XKR6: variants seen among roughly 807,000 people sequenced by gnomAD.
XKR6 encodes the protein XK-related protein 6.
Under a neutral mutation model 56.7 loss-of-function variants are expected in XKR6, and 22 were observed. The observed-to-expected ratio is 0.39, with a 90% confidence interval of 0.28 to 0.55. The LOEUF is 0.55. Among genes scored for constraint, XKR6 ranks in the 20% least tolerant of loss-of-function variants. The pLI is 0.66. For missense variants in XKR6, 852 were observed against 889.0 expected (o/e 0.96, Z 0.53); for synonymous variants, 524 against 387.8 (o/e 1.35, Z -4.13).
chr8:11,061,208 A>G (rs1799825275), intron 1 of XKR6, among the ~76,000 whole-genome samples: 1 of 152,188 alleles, frequency 6.6e-6, no homozygotes, highest in South Asian at 2.1e-4. Context: ...TCACACCTGT[A>G]ATCTTGGCAC....
chr8:11,011,270 C>T (rs1798493411), intron 1 of XKR6, among the ~76,000 whole-genome samples: 1 of 152,196 alleles, frequency 6.6e-6, no homozygotes, highest in South Asian at 2.1e-4. Context: ...ACACAGCACG[C>T]AGGAGAGGCA....
chr8:11,191,994 A>T (rs898394827), intron 1 of XKR6, among the ~76,000 whole-genome samples: 2 of 152,162 alleles, frequency 1.3e-5, no homozygotes, highest in African/African-American at 4.8e-5. Flanking sequence ...AGGATAGGAT[A>T]TGTGTTAAAT....
At chr8:11,051,127 G>A (rs1053619431) in intron 1 of XKR6, among the ~76,000 whole-genome samples, 2 of 151,980 alleles carry the variant, frequency 1.3e-5, no homozygotes, top group Admixed American at 6.6e-5. Context: ...CCTCTCCCTT[G>A]GCCTTGTTGT....
chr8:11,059,690 G>GCGGGA (rs1799782240), intron 1 of XKR6, among the ~76,000 whole-genome samples: 1 of 129,060 alleles, frequency 7.7e-6, no homozygotes, highest in Non-Finnish European at 1.5e-5. Context: ...CGGGCGCGGG[G>GCGGGA]CGGGACAGGC....
chr8:11,081,079 G>A (rs79749342), intron 1 of XKR6, among the ~76,000 whole-genome samples: 1,844 of 152,288 alleles, frequency 0.012, 33 homozygotes, highest in African/African-American at 0.042. Flanking sequence ...TTAGGTAGCA[G>A]CAACATACTG....
chr8:11,177,093 T>C (rs1054237637), intron 1 of XKR6, among the ~76,000 whole-genome samples: 1 of 152,136 alleles, frequency 6.6e-6, no homozygotes, highest in Non-Finnish European at 1.5e-5. Flanking sequence ...CCTGGGACCA[T>C]GGCACTAAGG....
At chr8:10,911,819 G>A (rs114471753) in intron 2 of XKR6, among the ~76,000 whole-genome samples, 1 of 150,722 alleles carries the variant, frequency 6.6e-6, no homozygotes, top group Non-Finnish European at 1.5e-5. Context: ...TATACAGAGG[G>A]TGAGTATGTG....
At chr8:11,065,982 G>T (rs1441959728) in intron 1 of XKR6, among the ~76,000 whole-genome samples, 2 of 152,198 alleles carry the variant, frequency 1.3e-5, no homozygotes, top group Admixed American at 1.3e-4. Context: ...CTATAAAATG[G>T]CAAAGGGGTT....
chr8:10,997,645 C>T (rs577393522), intron 1 of XKR6, among the ~76,000 whole-genome samples: 7 of 152,124 alleles, frequency 4.6e-5, no homozygotes, highest in South Asian at 4.2e-4. Context: ...CTGCAGGAGG[C>T]GTGTGGAAAT....
chr8:11,029,573 G>A (rs1034807008), intron 1 of XKR6, among the ~76,000 whole-genome samples: 1 of 152,120 alleles, frequency 6.6e-6, no homozygotes, highest in African/African-American at 2.4e-5. Flanking sequence ...GGCATGGTTG[G>A]CACACTGGTC....
chr8:11,021,917 C>A (rs778677344), intron 1 of XKR6, among the ~76,000 whole-genome samples: 2 of 151,892 alleles, frequency 1.3e-5, no homozygotes, highest in African/African-American at 4.8e-5. Context: ...TTTCCTCCCA[C>A]CATCATTGCT....
intron 1 of XKR6, among the ~76,000 whole-genome samples, chr8:11,155,647 T>G (rs1035626350): frequency 6.6e-6 from 1 of 152,038 alleles, no homozygotes; most frequent in African/African-American, 2.4e-5. Context: ...GCACACAGAG[T>G]GTAACAGGTC....
intron 1 of XKR6, among the ~76,000 whole-genome samples, 157 bp from the exon 2 acceptor site, chr8:10,924,987 G>A (rs979345884): frequency 2.0e-5 from 3 of 152,202 alleles, no homozygotes; most frequent in South Asian, 2.1e-4. Context: ...GGGGGCTCCC[G>A]GCAAAAGGAC....
intron 1 of XKR6, among the ~76,000 whole-genome samples, chr8:11,162,197 G>A (rs1410471356): frequency 6.6e-6 from 1 of 152,206 alleles, no homozygotes; most frequent in Admixed American, 6.5e-5. Context: ...TAATCCAAGA[G>A]TTAAAGGTAG....
At chr8:11,189,310 A>G (rs1372619776) in intron 1 of XKR6, among the ~76,000 whole-genome samples, 1 of 152,234 alleles carries the variant, frequency 6.6e-6, no homozygotes, top group African/African-American at 2.4e-5. Flanking sequence ...GTTCATAATA[A>G]TGACCTTGAA....
At chr8:10,956,126 T>A (rs7006612) in intron 1 of XKR6, among the ~76,000 whole-genome samples, 3 of 152,086 alleles carry the variant, frequency 2.0e-5, no homozygotes, top group Non-Finnish European at 4.4e-5. Context: ...GCTGCTCCCC[T>A]TCACAGGTCC....
At chr8:11,076,606 T>A (rs892623025) in intron 1 of XKR6, among the ~76,000 whole-genome samples, 17 of 152,224 alleles carry the variant, frequency 1.1e-4, no homozygotes, top group African/African-American at 3.9e-4. Flanking sequence ...TATAAATTGA[T>A]GCCAATACCT....
At chr8:11,122,036 A>G (rs1166658203) in intron 1 of XKR6, among the ~76,000 whole-genome samples, 1 of 152,114 alleles carries the variant, frequency 6.6e-6, no homozygotes, top group African/African-American at 2.4e-5. Flanking sequence ...GGGATATTCA[A>G]TATTCAATAG....
intron 1 of XKR6, among the ~76,000 whole-genome samples, chr8:11,107,362 G>C (rs578082798): frequency 1.6e-3 from 238 of 152,176 alleles, no homozygotes; most frequent in African/African-American, 5.6e-3. Context: ...ACCATGCCCA[G>C]CTGATTTTTT....
Sources: gnomAD v4.1 joint callset for allele counts (sites outside exome capture counted in the v4.1 genomes callset) on GRCh38, gnomAD v4.1.1 for gene constraint, MANE v1.5 for transcripts, NCBI Gene and HGNC (gene_info 2026-07-23, HGNC 2026-07-21) for gene names.